Variants in IDUA observed in about 807,000 individuals in gnomAD.
IDUA encodes iduronidase alpha-L-.
Under a neutral mutation model 68.9 loss-of-function variants are expected in IDUA, and 65 were observed. The ratio of observed to expected loss-of-function variants is 0.94; its 90% CI spans 0.77 to 1.16. The LOEUF (loss-of-function observed/expected upper bound fraction) is 1.16. IDUA is among the 50% of genes most tolerant of loss of function. The probability of loss-of-function intolerance (pLI) is 0.00; values close to 1 mark genes in which losing one functional copy is unlikely to be tolerated. For missense variants in IDUA, 1,046 were observed against 938.0 expected (o/e 1.12, Z -1.50); for synonymous variants, 529 against 433.6 (o/e 1.22, Z -2.73).
rs528650871 is a variant in IDUA at position 1,001,800 on chromosome 4, C to T, written c.711C>T (p.Leu237=). 1.7e-5 allele frequency: 27 copies of T among 1,604,732 alleles called. 1 individual carries two copies. Among genetic ancestry groups the T allele is most frequent in the Admixed American group, 5.1e-5 (3 of 59,174 alleles). ...TPPRSPLSWG[L]LRHCHDGTNF... Reference sequence around the variant, plus strand: ...CGCGATCCCCGCTGAGCTGGGGCCTCCTGCGCCACTGCCACGACGGTACCA... The same window carrying T: ...CGCGATCCCCGCTGAGCTGGGGCCTTCTGCGCCACTGCCACGACGGTACCA... Residue 237 remains leucine, a synonymous_variant, in exon 6 of 14, where the codon CTC becomes CTT. Coordinates refer to ENST00000514224, the MANE Select transcript of IDUA (RefSeq NM_000203.5).
intron 2 of IDUA, chr4:991,863 T>C: frequency 6.7e-7 from 1 of 1,502,814 alleles, no homozygotes; most frequent in South Asian, 1.2e-5. Flanking sequence ...CTGGGCCTTC[T>C]CCTGGCAGCG....
rs754424661 is a variant in IDUA at position 989,122 on chromosome 4, G to A, written c.299+1173G>A. ...GATGACCACTGTGTGGAAGCCGGCC[G>A]CTGCGGGCACCAGCGCAGCCCTGGT... On this transcript the variant is annotated intron_variant, in intron 2 of 13. Coordinates refer to ENST00000514224, the MANE Select transcript of IDUA (RefSeq NM_000203.5). 55 of 1,606,092 alleles carry A rather than the reference G, an allele frequency of 3.4e-5. No individual in the cohort carries two copies. The highest frequency in any genetic ancestry group is 1.5e-4 in the Admixed American group (9 of 59,508).
chr4:987,814 C>G lies in IDUA; in HGVS notation c.164C>G (p.Pro55Arg). The G allele has an allele frequency of 1.2e-6, 2 of 1,612,388 alleles. No individual in the cohort carries two copies. Among genetic ancestry groups the G allele is most frequent in the East Asian group, 2.2e-5 (1 of 44,868 alleles). ...RFWRSTGFCP[P>R]LPHSQADQYV... is the part of the protein sequence containing the mutation. ...CGCCCCTTTGTTGTCCCCAGCCCCC[C>G]GCTGCCACACAGCCAGGCTGACCAG... The change falls in exon 2 of 14, where the codon CCG becomes CGG. Residue 55 changes from proline (P) to arginine (R), a missense_variant. Physicochemically the swap from Pro to Arg is moderately radical, Grantham distance 103. Transcript: ENST00000514224.
chr4:1,000,763 C>G (rs1196467359), intron 3 of IDUA, 66 bp downstream of exon 3: 5 of 1,472,652 alleles, frequency 3.4e-6, no homozygotes, highest in Admixed American at 3.4e-5. Flanking sequence ...CTCTCCCTCA[C>G]CCAGCCCCTC....
chr4:1,001,712 G>C lies in IDUA; in HGVS notation c.623G>C (p.Gly208Ala). The C allele has an allele frequency of 1.9e-6, 3 of 1,599,510 alleles. No homozygotes were observed. The highest frequency in any genetic ancestry group is 8.5e-7 in the Non-Finnish European group (1 of 1,178,832). ...AACTACTACGATGCCTGCTCGGAGG[G>C]TCTGCGCGCCGCCAGCCCCGCCCTG... Reference protein sequence around the residue: ...FLNYYDACSEGLRAASPALRL... With the variant: ...FLNYYDACSEALRAASPALRL... Residue 208 changes from glycine to alanine, a missense_variant, in exon 6 of 14, where the codon GGT becomes GCT. Coordinates refer to ENST00000514224, the MANE Select transcript of IDUA (RefSeq NM_000203.5).
intron 2 of IDUA, chr4:990,625 GT>G (rs1560537094): frequency 2.0e-6 from 1 of 505,034 alleles, no homozygotes; most frequent in African/African-American, 2.0e-5. Flanking sequence ...CCCTTGTCAC[GT>G]GCAGCAGCCC....
intron 1 of IDUA, 42 bp downstream of exon 1, chr4:987,284 G>T: frequency 2.0e-6 from 3 of 1,499,332 alleles, no homozygotes; most frequent in East Asian, 2.7e-5. Flanking sequence ...GCCGCACGGG[G>T]AGAGCTCGGG....
chr4:990,148 A>G, intron 2 of IDUA: 1 of 1,564,860 alleles, frequency 6.4e-7, no homozygotes, highest in Non-Finnish European at 8.7e-7. Context: ...GCTGGTGACC[A>G]CGTCGCACAC....
Position 1,001,786 on chromosome 4 carries a change from C to T in IDUA, c.697C>T (p.Leu233=). The change falls in exon 6 of 14, where the codon CTG becomes TTG. Residue 233 remains leucine (L), a synonymous_variant. Coordinates refer to ENST00000514224, the MANE Select transcript of IDUA (RefSeq NM_000203.5). ...DSFHTPPRSP[L]SWGLLRHCHD... ...CTTCCACACCCCACCGCGATCCCCG[C>T]TGAGCTGGGGCCTCCTGCGCCACTG... 6.2e-7 allele frequency: 1 copy of T among 1,603,830 alleles called. No homozygotes were observed. The highest frequency in any genetic ancestry group is 8.5e-7 in the Non-Finnish European group (1 of 1,177,910).
chr4:989,781 T>C (rs371639765), intron 2 of IDUA: 7 of 1,566,610 alleles, frequency 4.5e-6, no homozygotes, highest in Non-Finnish European at 6.1e-6. Flanking sequence ...GGAAGGCGGG[T>C]AGCACGTTGC....
In IDUA at chr4:1,003,081, C is replaced by CCGACGG; in HGVS notation, c.1452_1457dup (p.Asp484_Gly485dup). ...TACCTGGACAACGGGCTCTGCAGCC[C>CCGACGG]CGACGGCGAGTGGCGGCGCCTGGGC... On this transcript the variant is annotated inframe_insertion, in exon 10 of 14. Coordinates refer to ENST00000514224, the MANE Select transcript of IDUA (RefSeq NM_000203.5). The CCGACGG allele has an allele frequency of 6.6e-7, 1 of 1,522,266 alleles. No individual in the cohort carries two copies. The highest frequency in any genetic ancestry group is 8.7e-7 in the Non-Finnish European group (1 of 1,143,606). 94.3% of individuals were successfully genotyped at this position (1,522,266 alleles called of 1,614,324 possible).
chr4:994,689 G>A (rs187130301), intron 2 of IDUA, among the ~76,000 whole-genome samples: 2,216 of 152,132 alleles, frequency 0.015, 57 homozygotes, highest in African/African-American at 0.049. Flanking sequence ...CACCCACCTC[G>A]GCCTCCCAAA....
intron 2 of IDUA, chr4:991,086 G>A (rs762349542): frequency 6.6e-7 from 1 of 1,505,448 alleles, no homozygotes; most frequent in Non-Finnish European, 8.9e-7. Flanking sequence ...CCTAAGGGGG[G>A]GTGCCCTGGG....
rs543233139 is a variant in IDUA, at chr4:988,401, C to T, written c.299+452C>T. The T allele has an allele frequency of 4.8e-5, 51 of 1,055,998 alleles. No homozygotes were observed. The South Asian group carries it at 1.1e-3, about 22-fold the overall frequency. The allele number at this position is 1,055,998 out of a possible 1,614,324, so 65.4% of individuals were successfully genotyped here. A position where few individuals can be genotyped will look rare whatever the true frequency, so the allele number is the denominator to read the frequency against. On this transcript the variant is annotated intron_variant, in intron 2 of 13. Transcript: ENST00000514224. ...GGCCTTCTGGAAACACAGAGACCCT[C>T]GTGCACTTGGCCAGAGCCGCTGGCT...
At position 1,001,478 on chromosome 4, in the gene IDUA, A is replaced by C. The variant is rs1489276333; in HGVS notation, c.504A>C (p.Gly168=). Residue 168 remains glycine, a synonymous_variant, in exon 5 of 14, where the codon GGA becomes GGC. Coordinates refer to ENST00000514224, the MANE Select transcript of IDUA (RefSeq NM_000203.5). ...AAGGCTCCTCTGCAGGTAGGTACGG[A>C]CTGGCGCATGTTTCCAAGTGGAACT... ...SLARRYIGRY[G]LAHVSKWNFE... is the part of the protein sequence containing the mutation. The C allele has an allele frequency of 6.2e-7, 1 of 1,612,862 alleles. No homozygotes were observed. Among genetic ancestry groups the C allele is most frequent in the African/African-American group, 1.3e-5 (1 of 74,852 alleles).
intron 6 of IDUA, 25 bp downstream of exon 6, chr4:1,001,906 C>T (rs746226188): frequency 2.4e-5 from 38 of 1,570,968 alleles, no homozygotes; most frequent in Non-Finnish European, 3.0e-5. Flanking sequence ...TCCGTCCGCC[C>T]CGGTGTTCTG....
intron 2 of IDUA, chr4:988,466 G>A (rs569725394): frequency 2.6e-5 from 29 of 1,109,490 alleles, no homozygotes; most frequent in Non-Finnish European, 3.1e-5. Context: ...CTGGGCATAG[G>A]GAGTCCTCTT....
At position 1,004,232 on chromosome 4, in the gene IDUA, G is replaced by C. The variant is rs749922352; in HGVS notation, c.1829-28G>C. The C allele has an allele frequency of 4.3e-6, 7 of 1,609,528 alleles. No homozygotes were observed. The East Asian group carries it at 1.6e-4, about 36-fold the overall frequency. ...GGCTTTCGGGTGGGGGCAGGTTCCGGTTGGCACACATGTCCCCTTGTCTCC... is the reference window on the plus strand; with the variant it reads ...GGCTTTCGGGTGGGGGCAGGTTCCGCTTGGCACACATGTCCCCTTGTCTCC... On this transcript the variant is annotated intron_variant, in intron 13 of 13. Coordinates refer to ENST00000514224, the MANE Select transcript of IDUA (RefSeq NM_000203.5). This position sits in a 1 kb window ranked among gnomAD's most constrained non-coding sequence, Gnocchi z 5.0.
rs1226056948 is a variant in IDUA, at chr4:1,000,609, C to G, written c.300-3C>G. ...CTTCCTGACGCTGACCGTCCTTCTG[C>G]AGGGGGTCCACTGGACGGGGCCTGA... On this transcript the variant is annotated splice_polypyrimidine_tract_variant and splice_region_variant and intron_variant, in intron 2 of 13. Coordinates refer to ENST00000514224, the MANE Select transcript of IDUA (RefSeq NM_000203.5). 2 of 1,611,038 alleles carry G rather than the reference C, an allele frequency of 1.2e-6. No individual in the cohort carries two copies. The highest frequency in any genetic ancestry group is 4.5e-5 in the East Asian group (2 of 44,876).
Sources: gnomAD v4.1 joint callset for allele counts (sites outside exome capture counted in the v4.1 genomes callset) on GRCh38, gnomAD v4.1.1 for gene constraint, Gnocchi (gnomAD v3.1) non-coding constraint, MANE v1.5 for transcripts, NCBI Gene and HGNC (gene_info 2026-07-23, HGNC 2026-07-21) for gene names.